NINL: variants seen among roughly 807,000 people sequenced by gnomAD.
NINL encodes the protein ninein like.
NINL carries 153 observed loss-of-function variants against 160.3 expected under a neutral mutation model. That is an observed-to-expected ratio of 0.95 (90% CI 0.84 to 1.09). NINL has a LOEUF of 1.09. Among genes scored for constraint, NINL ranks in the 50% least tolerant of loss-of-function variants. The pLI, the probability that NINL is intolerant of heterozygous loss-of-function variation, is 0.00. For synonymous variants in NINL, 800 were observed against 734.8 expected, an observed-to-expected ratio of 1.09 and a Z score of -1.43; for missense variants, 1,829 against 1,764.0, an observed-to-expected ratio of 1.04 and a Z score of -0.66.
At chr20:25,494,446 G>A (rs1435426644) in intron 10 of NINL, among the ~76,000 whole-genome samples, 1 of 149,438 alleles carries the variant, frequency 6.7e-6, no homozygotes. Flanking sequence ...TCCCATGAAC[G>A]CTCACAGCAC....
Position 25,476,320 on chromosome 20 carries a change from G to A in NINL, c.2971C>T (p.Gln991Ter). The A allele has an allele frequency of 6.2e-7, 1 of 1,612,966 alleles. No homozygotes were observed. Among genetic ancestry groups the A allele is most frequent in the South Asian group, 1.1e-5 (1 of 91,074 alleles). ...ERARSWSRGT[Q>*]EQASEQQARA... ...GCCTGCTGCTCCGAGGCCTGCTCCT[G>A]GGTGCCCCTGCTCCAGCTTCGTGCT... The change falls in exon 17 of 24, where the codon CAG (glutamine) becomes TAG (stop). Residue 991 changes from glutamine to a stop codon, truncating the protein, a stop_gained. Transcript: ENST00000278886. LOFTEE classifies it high-confidence loss of function.
intron 10 of NINL, among the ~76,000 whole-genome samples, chr20:25,494,413 C>T (rs941687712): frequency 3.9e-4 from 60 of 151,924 alleles, no homozygotes; most frequent in Non-Finnish European, 8.8e-5. Flanking sequence ...ACTGCACCAC[C>T]GCTGTACCCC....
At chr20:25,498,880 C>A in intron 8 of NINL, 1 of 982,728 alleles carries the variant, frequency 1.0e-6, no homozygotes, top group Non-Finnish European at 1.2e-6. Flanking sequence ...GAAGAATACA[C>A]TAATAAACTT....
At chr20:25,532,110 C>T (rs999225499) in intron 1 of NINL, among the ~76,000 whole-genome samples, 1 of 152,166 alleles carries the variant, frequency 6.6e-6, no homozygotes, top group African/African-American at 2.4e-5. Context: ...CTAAGAGAGG[C>T]ACAAAAAAGG....
intron 1 of NINL, among the ~76,000 whole-genome samples, chr20:25,546,606 T>A (rs1033783327): frequency 1.4e-4 from 21 of 150,664 alleles, no homozygotes; most frequent in African/African-American, 5.1e-4. Context: ...AGGCCAAAGG[T>A]TAATTCCCTT....
At chr20:25,461,954 AG>A (rs1188380821) in intron 20 of NINL, among the ~76,000 whole-genome samples, 1 of 152,194 alleles carries the variant, frequency 6.6e-6, no homozygotes, top group Non-Finnish European at 1.5e-5. Context: ...GCTGTGATCC[AG>A]TGACTCCCTC....
At position 25,526,548 on chromosome 20, in the gene NINL, C is replaced by G; in HGVS notation, c.40G>C (p.Glu14Gln). Residue 14 changes from glutamate (E) to glutamine (Q), a missense_variant, in exon 2 of 24, where the codon GAA (glutamate) becomes CAA (glutamine). Glu to Gln is a conservative substitution (Grantham distance 29). Coordinates refer to ENST00000278886, the MANE Select transcript of NINL (RefSeq NM_025176.6). ...GTGGTGTCGCAGCTGCTGTAGACTTCCCTGAGCTGCGAGACATAGTGGTTC... is the reference window on the plus strand; with the variant it reads ...GTGGTGTCGCAGCTGCTGTAGACTTGCCTGAGCTGCGAGACATAGTGGTTC... ...EENHYVSQLR[E>Q]VYSSCDTTGT... The G allele has an allele frequency of 1.2e-6, 2 of 1,614,238 alleles. No homozygotes were observed. The highest frequency in any genetic ancestry group is 1.7e-6 in the Non-Finnish European group (2 of 1,180,032).
intron 17 of NINL, among the ~76,000 whole-genome samples, chr20:25,470,418 G>A (rs1355948061): frequency 1.3e-5 from 2 of 152,202 alleles, no homozygotes; most frequent in Non-Finnish European, 2.9e-5. Flanking sequence ...CTCACCAAAC[G>A]TGTGTCCTGG....
chr20:25,467,850 G>C (rs2062957439), intron 18 of NINL, among the ~76,000 whole-genome samples: 1 of 152,132 alleles, frequency 6.6e-6, no homozygotes, highest in African/African-American at 2.4e-5. Context: ...GAAACAGCCT[G>C]CATCTCCGGA....
intron 17 of NINL, among the ~76,000 whole-genome samples, chr20:25,470,737 G>A (rs1406379329): frequency 6.6e-6 from 1 of 152,154 alleles, no homozygotes; most frequent in Non-Finnish European, 1.5e-5. Context: ...GCATGCATCT[G>A]TAATCCCAGC....
chr20:25,517,611 T>G (rs1018707602), intron 3 of NINL, 142 bp downstream of exon 3: 8 of 633,504 alleles, frequency 1.3e-5, no homozygotes, highest in Middle Eastern at 3.2e-4. Context: ...CAAGTGTTTT[T>G]TCCAAGTCCA....
At chr20:25,524,096 T>C (rs2064310818) in intron 2 of NINL, among the ~76,000 whole-genome samples, 2 of 152,176 alleles carry the variant, frequency 1.3e-5, no homozygotes, top group East Asian at 3.9e-4. Context: ...TTCCCTTAAA[T>C]CTCTGTATGA....
At position 25,530,042 on chromosome 20, in the gene NINL, C is replaced by G. The variant is rs150561053; in HGVS notation, c.-11-3444G>C. 5.5e-3 allele frequency among the ~76,000 whole-genome samples: 832 copies of G among 152,280 alleles called. 11 individuals carry two copies. The highest frequency in any genetic ancestry group is 0.019 in the African/African-American group (800 of 41,560). ...GTGTCTCCAAGAATCATGAAAAAAT[C>G]TGTTTTGAAAATTCCTCTACTTTTT... On this transcript the variant is annotated intron_variant, in intron 1 of 23. Transcript: ENST00000278886.
At chr20:25,559,770 T>C (rs1401299624) in intron 1 of NINL, among the ~76,000 whole-genome samples, 2 of 151,978 alleles carry the variant, frequency 1.3e-5, no homozygotes, top group Non-Finnish European at 1.5e-5. Context: ...CCGACTATTT[T>C]TTTTTTTCTC....
chr20:25,564,649 C>T (rs1269363295), intron 1 of NINL, among the ~76,000 whole-genome samples: 2 of 151,930 alleles, frequency 1.3e-5, no homozygotes, highest in Non-Finnish European at 2.9e-5. Flanking sequence ...CACGGGGTTT[C>T]ACCATGTTGG....
In NINL at chr20:25,458,493, C is replaced by G. The variant is rs149283003; in HGVS notation, c.3733G>C (p.Ala1245Pro). Reference sequence around the variant, plus strand: ...AGCCGGACCTCCTGCAAGTGCTGGGCCTGGGCCTGCCTCAGCCTCAGGTGA... The same window carrying G: ...AGCCGGACCTCCTGCAAGTGCTGGGGCTGGGCCTGCCTCAGCCTCAGGTGA... The part of the protein sequence containing the change: ...GAHLRLRQAQ[A>P]QHLQEVRLVP... Residue 1245 changes from alanine (A) to proline (P), a missense_variant, in exon 22 of 24, where the codon GCC becomes CCC. Physicochemically the swap from Ala to Pro is conservative, Grantham distance 27 (BLOSUM62 -1). Coordinates refer to ENST00000278886, the MANE Select transcript of NINL (RefSeq NM_025176.6). The G allele has an allele frequency of 6.2e-6, 10 of 1,600,934 alleles. 1 individual carries two copies. The African/African-American group carries it at 6.7e-5, about 11-fold the overall frequency.
At chr20:25,501,476 C>T (rs1401588063) in intron 7 of NINL, among the ~76,000 whole-genome samples, 2 of 152,198 alleles carry the variant, frequency 1.3e-5, no homozygotes, top group Admixed American at 6.5e-5. Flanking sequence ...TGCGCTGGCC[C>T]AGGCAGAGGC....
In NINL at chr20:25,504,877, G is replaced by A; in HGVS notation, c.708+11C>T. On this transcript the variant is annotated intron_variant, in intron 6 of 23. Coordinates refer to ENST00000278886, the MANE Select transcript of NINL (RefSeq NM_025176.6). ...GGAATATGTGGCTGGGTGGCCTGCTGTGCCCCTCACCTCTTTCTCGAGTCC... is the reference window on the plus strand; with the variant it reads ...GGAATATGTGGCTGGGTGGCCTGCTATGCCCCTCACCTCTTTCTCGAGTCC... The A allele has an allele frequency of 6.2e-7, 1 of 1,609,428 alleles. No individual in the cohort carries two copies. Among genetic ancestry groups the A allele is most frequent in the Non-Finnish European group, 8.5e-7 (1 of 1,179,784 alleles).
Position 25,470,064 on chromosome 20 carries a change from T to C in NINL, c.3280A>G (p.Thr1094Ala), listed in dbSNP as rs150932541. The change falls in exon 18 of 24, where the codon ACT becomes GCT. Residue 1094 changes from threonine to alanine, a missense_variant. Thr to Ala is a moderately conservative substitution (Grantham distance 58). Coordinates refer to ENST00000278886, the MANE Select transcript of NINL (RefSeq NM_025176.6). ...CTTCCCAGATCGTTTTTCAACAAAGTGTTTTCTTCAGAAAGTCTATGGAAC... is the reference window on the plus strand; with the variant it reads ...CTTCCCAGATCGTTTTTCAACAAAGCGTTTTCTTCAGAAAGTCTATGGAAC... ...LEFHRLSEEN[T>A]LLKNDLGRVR... is the part of the protein sequence containing the mutation. The C allele has an allele frequency of 7.4e-6, 12 of 1,614,118 alleles. No individual in the cohort carries two copies. The African/African-American group carries it at 8.0e-5, about 11-fold the overall frequency.
Sources: gnomAD v4.1 joint callset for allele counts (sites outside exome capture counted in the v4.1 genomes callset) on GRCh38, gnomAD v4.1.1 for gene constraint, MANE v1.5 for transcripts, NCBI Gene and HGNC (gene_info 2026-07-23, HGNC 2026-07-21) for gene names.